ZBTB44: variants seen among roughly 807,000 people sequenced by gnomAD.
The protein encoded by ZBTB44 is zinc finger and BTB domain-containing protein 44.
In ZBTB44, 15 loss-of-function variants were observed where a neutral mutation model predicts 54.0. The observed-to-expected ratio is 0.28, with a 90% CI of 0.19 to 0.43. The LOEUF (loss-of-function observed/expected upper bound fraction) is 0.43. Ranked by LOEUF, ZBTB44 falls within the 20% of genes least tolerant of loss-of-function variation. The pLI is 1.00. For missense variants in ZBTB44, 487 were observed against 707.1 expected (o/e 0.69, Z 3.53); for synonymous variants, 230 against 250.1 (o/e 0.92, Z 0.76).
chr11:130,295,345 C>A (rs1371008588), intron 1 of ZBTB44, among the ~76,000 whole-genome samples: 1 of 152,056 alleles, frequency 6.6e-6, no homozygotes, highest in African/African-American at 2.4e-5. Context: ...AGAAATCCAC[C>A]GTATTAACCA....
At chr11:130,295,927 G>A (rs2134404904) in intron 1 of ZBTB44, 3 of 1,521,578 alleles carry the variant, frequency 2.0e-6, no homozygotes, top group East Asian at 4.5e-5. Context: ...CGGATCTGCT[G>A]AAGCACAGAA....
At chr11:130,289,245 G>A (rs1941157125) in intron 1 of ZBTB44, among the ~76,000 whole-genome samples, 2 of 152,164 alleles carry the variant, frequency 1.3e-5, no homozygotes, top group African/African-American at 2.4e-5. Context: ...CACTCTGGGA[G>A]GCTGAGGAAT....
At chr11:130,284,696 G>A (rs770375794) in intron 1 of ZBTB44, among the ~76,000 whole-genome samples, 5 of 152,028 alleles carry the variant, frequency 3.3e-5, no homozygotes, top group African/African-American at 7.2e-5. Flanking sequence ...GAGAAACACC[G>A]TCTCTACTAA....
At chr11:130,278,626 T>C (rs1940278040) in intron 1 of ZBTB44, among the ~76,000 whole-genome samples, 1 of 152,198 alleles carries the variant, frequency 6.6e-6, no homozygotes, top group Admixed American at 6.5e-5. Flanking sequence ...TACTCATTAT[T>C]ATCTTATCTC....
intron 1 of ZBTB44, among the ~76,000 whole-genome samples, chr11:130,298,727 T>C (rs921062656): frequency 1.3e-5 from 2 of 151,690 alleles, no homozygotes; most frequent in African/African-American, 2.4e-5. Flanking sequence ...CCTCCCAAAG[T>C]GCTAGGATTA....
intron 3 of ZBTB44, 49 bp from the exon 4 acceptor site, chr11:130,238,656 GAATAA>G: frequency 1.3e-6 from 2 of 1,552,092 alleles, no homozygotes; most frequent in African/African-American, 2.8e-5. Flanking sequence ...TTTTTAAACT[GAATAA>G]ACACTGCTAT....
At chr11:130,294,568 A>AT (rs1421921306) in intron 1 of ZBTB44, among the ~76,000 whole-genome samples, 1 of 145,146 alleles carries the variant, frequency 6.9e-6, no homozygotes, top group East Asian at 2.0e-4. Flanking sequence ...AAAAAAAAAA[A>AT]ATCTTCAATT....
intron 1 of ZBTB44, among the ~76,000 whole-genome samples, chr11:130,269,634 G>A (rs1344839966): frequency 6.6e-6 from 1 of 152,086 alleles, no homozygotes; most frequent in African/African-American, 2.4e-5. Flanking sequence ...TTACAGTTGG[G>A]TTGAAACAAT....
At chr11:130,240,507 C>T (rs1409577987) in intron 2 of ZBTB44, among the ~76,000 whole-genome samples, 1 of 152,048 alleles carries the variant, frequency 6.6e-6, no homozygotes, top group Non-Finnish European at 1.5e-5. Context: ...GAGTAATTAA[C>T]CATTTAAGGA....
At chr11:130,312,011 C>T (rs1163004029) in intron 1 of ZBTB44, among the ~76,000 whole-genome samples, 1 of 152,184 alleles carries the variant, frequency 6.6e-6, no homozygotes. Flanking sequence ...TGGTATCATT[C>T]ACCCCTGCCC....
intron 1 of ZBTB44, among the ~76,000 whole-genome samples, chr11:130,293,687 T>C (rs1232292669): frequency 6.7e-6 from 1 of 150,164 alleles, no homozygotes; most frequent in Admixed American, 6.6e-5. Flanking sequence ...TCTCAGCTAC[T>C]TGGGAGGTTG....
chr11:130,288,804 C>T lies in ZBTB44; in HGVS notation c.-57+25571G>A, dbSNP rs745558238. 3.3e-5 allele frequency among the ~76,000 whole-genome samples: 5 copies of T among 150,330 alleles called. No individual in the cohort carries two copies. In the East Asian group the frequency reaches 6.0e-4, roughly 18 times the overall value. On this transcript the variant is annotated intron_variant, in intron 1 of 7. Transcript: ENST00000357899. ...CCCAGCTACTTGGGAGGCAGAGGCA[C>T]GAGAATCGCTTGAACCCGGGAGGCG...
intron 5 of ZBTB44, chr11:130,235,979 AAAG>A (rs1954091480): frequency 3.3e-6 from 3 of 895,974 alleles, no homozygotes; most frequent in Non-Finnish European, 2.8e-6. Context: ...AAAAAAAAAA[AAAG>A]AAAGATTTGT....
At chr11:130,253,584 G>A (rs979422172) in intron 2 of ZBTB44, among the ~76,000 whole-genome samples, 24 of 152,120 alleles carry the variant, frequency 1.6e-4, no homozygotes, top group African/African-American at 5.8e-4. Context: ...ACAAACAAAT[G>A]GAAGAACATT....
intron 2 of ZBTB44, among the ~76,000 whole-genome samples, chr11:130,249,294 C>T (rs1937793177): frequency 6.6e-6 from 1 of 152,072 alleles, no homozygotes; most frequent in South Asian, 2.1e-4. Flanking sequence ...TCAGAAGGTA[C>T]CAAGGTGTTT....
intron 1 of ZBTB44, among the ~76,000 whole-genome samples, chr11:130,272,204 C>T (rs1015175488): frequency 1.3e-5 from 2 of 151,834 alleles, no homozygotes; most frequent in African/African-American, 4.8e-5. Flanking sequence ...TGTACTCCAG[C>T]CTGGGTGTCA....
chr11:130,243,359 T>C (rs975634656), intron 2 of ZBTB44, among the ~76,000 whole-genome samples: 1 of 152,250 alleles, frequency 6.6e-6, no homozygotes, highest in Non-Finnish European at 1.5e-5. Context: ...GGATACATAA[T>C]GCCCTTTTCC....
rs531480332 is a variant in ZBTB44, at chr11:130,310,751, T to G, written c.-57+3624A>C. Among the ~76,000 whole-genome samples the G allele has an allele frequency of 1.1e-4, 17 of 152,230 alleles. No homozygotes were observed. In the East Asian group the frequency reaches 3.1e-3, roughly 28 times the overall value. On this transcript the variant is annotated intron_variant, in intron 1 of 7. Transcript: ENST00000357899. ...CCAAATATAGTTTTTTTTTGTTTTG[T>G]TTTGCTTTTGAGATGGAGTCCCGCT...
intron 1 of ZBTB44, among the ~76,000 whole-genome samples, chr11:130,294,493 T>C (rs1193775177): frequency 2.7e-5 from 3 of 110,052 alleles, no homozygotes; most frequent in African/African-American, 1.0e-4. Flanking sequence ...CATTTCCCTA[T>C]AACTAAGTTA....
Sources: allele counts gnomAD v4.1 joint callset (sites outside exome capture counted in the v4.1 genomes callset), GRCh38; gene constraint gnomAD v4.1.1; transcripts MANE v1.5; gene names NCBI Gene and HGNC (gene_info 2026-07-23, HGNC 2026-07-21).